Variants in CCDC73 observed in about 807,000 individuals in gnomAD.
CCDC73 encodes the protein coiled-coil domain-containing protein 73.
A neutral mutation model predicts 116.5 loss-of-function variants in CCDC73; 95 were observed. The observed-to-expected ratio is 0.82, with a 90% CI of 0.69 to 0.97. The LOEUF (loss-of-function observed/expected upper bound fraction) is 0.97. Ranked by LOEUF, CCDC73 falls within the 50% of genes least tolerant of loss-of-function variation. The probability of loss-of-function intolerance (pLI) is 0.00; values close to 1 mark genes in which losing one functional copy is unlikely to be tolerated. For synonymous variants in CCDC73, 398 were observed against 401.3 expected (o/e 0.99, Z 0.10); for missense variants, 1,066 against 1,206.8 (o/e 0.88, Z 1.73).
chr11:32,607,155 G>C (rs1236546212), intron 17 of CCDC73, among the ~76,000 whole-genome samples: 2 of 136,936 alleles, frequency 1.5e-5, no homozygotes, highest in African/African-American at 5.5e-5. Flanking sequence ...TGCAGTGGCG[G>C]GATCTCGGCT....
intron 14 of CCDC73, among the ~76,000 whole-genome samples, chr11:32,623,216 A>T (rs563283377): frequency 6.6e-6 from 1 of 152,100 alleles, no homozygotes; most frequent in Non-Finnish European, 1.5e-5. Context: ...CATGTTGGCC[A>T]GGCTGCTCTT....
chr11:32,779,461 T>C (rs764383507), intron 1 of CCDC73, among the ~76,000 whole-genome samples: 57 of 152,234 alleles, frequency 3.7e-4, no homozygotes, highest in Middle Eastern at 3.4e-3. Context: ...AGCACCTGGA[T>C]TGTTATCTTT....
chr11:32,688,727 G>A lies in CCDC73; in HGVS notation c.391-5153C>T, dbSNP rs540034328. On this transcript the variant is annotated intron_variant, in intron 6 of 17. Coordinates refer to ENST00000335185, the MANE Select transcript of CCDC73 (RefSeq NM_001008391.4). ...TATTGTAGTTCCAATATCTCTAAAAGTTTATGATACTTTCAAAAGAAAAAA... is the reference window on the plus strand; with the variant it reads ...TATTGTAGTTCCAATATCTCTAAAAATTTATGATACTTTCAAAAGAAAAAA... Among the ~76,000 whole-genome samples the A allele has an allele frequency of 1.2e-4, 18 of 152,190 alleles. No homozygotes were observed. The East Asian group carries it at 2.9e-3, about 24-fold the overall frequency.
At chr11:32,765,433 C>A (rs1850432333) in intron 1 of CCDC73, among the ~76,000 whole-genome samples, 1 of 152,160 alleles carries the variant, frequency 6.6e-6, no homozygotes, top group Non-Finnish European at 1.5e-5. Context: ...ACAGTGCAAT[C>A]AAACTAGAAC....
chr11:32,725,321 TTA>T (rs1484173624), intron 2 of CCDC73, among the ~76,000 whole-genome samples: 2 of 152,182 alleles, frequency 1.3e-5, no homozygotes, highest in East Asian at 3.8e-4. Flanking sequence ...TGTTAACTTC[TTA>T]TATACGTAAT....
Position 32,616,048 on chromosome 11 carries a change from C to T in CCDC73, c.1267G>A (p.Glu423Lys), listed in dbSNP as rs1478541549. Reference sequence around the variant, plus strand: ...ATATTTTCTTCCCTTATTTCTTGCTCAGTATTATATTTCTGTATAATGGTG... The same window carrying T: ...ATATTTTCTTCCCTTATTTCTTGCTTAGTATTATATTTCTGTATAATGGTG... ...ENTIIQKYNTEQEIREENMEN... is the reference protein window; with the variant it reads ...ENTIIQKYNTKQEIREENMEN... Residue 423 changes from glutamate to lysine, a missense_variant, in exon 15 of 18, where the codon GAG becomes AAG. By Grantham distance (56) the Glu-to-Lys change is moderately conservative. Transcript: ENST00000335185. 2 of 1,603,320 alleles carry T rather than the reference C, an allele frequency of 1.2e-6. No homozygotes were observed.
intron 10 of CCDC73, 143 bp from the exon 11 acceptor site, chr11:32,654,180 T>A: frequency 1.3e-6 from 1 of 784,214 alleles, no homozygotes; most frequent in Non-Finnish European, 1.9e-6. Flanking sequence ...TGTTTATTTG[T>A]ATGTTTGTTT....
intron 1 of CCDC73, among the ~76,000 whole-genome samples, 198 bp from the exon 2 acceptor site, chr11:32,760,456 T>C (rs187459042): frequency 2.0e-5 from 3 of 152,318 alleles, no homozygotes; most frequent in Non-Finnish European, 1.5e-5. Flanking sequence ...TTCCCTATGG[T>C]TGAAGCTTTT....
chr11:32,657,288 C>T (rs1019407428), intron 9 of CCDC73, among the ~76,000 whole-genome samples: 1 of 152,108 alleles, frequency 6.6e-6, no homozygotes, highest in Non-Finnish European at 1.5e-5. Context: ...GGTCTTAGTT[C>T]AAATATCACC....
chr11:32,776,972 C>CAT (rs1181223187), intron 1 of CCDC73, among the ~76,000 whole-genome samples: 5 of 79,906 alleles, frequency 6.3e-5, no homozygotes, highest in South Asian at 4.6e-4. Context: ...CACACACACA[C>CAT]ATATATATAT....
rs1035106940 is a variant in CCDC73, at chr11:32,702,921, T to C, written c.231A>G (p.Glu77=). 6.2e-7 allele frequency: 1 copy of C among 1,612,952 alleles called. No individual in the cohort carries two copies. Residue 77 remains glutamate (E), a synonymous_variant, in exon 4 of 18, where the codon GAA becomes GAG. Coordinates refer to ENST00000335185, the MANE Select transcript of CCDC73 (RefSeq NM_001008391.4). ...CTTCCTTGTGTTGCTCTGCCAATGTTTCCTTTTGATTCTGAAGAGTTTCCT... is the reference window on the plus strand; with the variant it reads ...CTTCCTTGTGTTGCTCTGCCAATGTCTCCTTTTGATTCTGAAGAGTTTCCT... ...WQKETLQNQK[E]TLAEQHKEAM... is the part of the protein sequence containing the mutation.
At chr11:32,827,683 A>G in the CCDC73 span, among the ~76,000 whole-genome samples, 2 of 152,166 alleles carry the variant, frequency 1.3e-5, no homozygotes, top group African/African-American at 4.8e-5. Context: ...AGCACGAACA[A>G]TGTAGAAAGC....
At chr11:32,808,190 A>AATAG in the CCDC73 span, among the ~76,000 whole-genome samples, 1 of 152,236 alleles carries the variant, frequency 6.6e-6, no homozygotes, top group Admixed American at 6.5e-5. Flanking sequence ...CAGAATAAGG[A>AATAG]ATAGATGTGT....
intron 2 of CCDC73, among the ~76,000 whole-genome samples, chr11:32,747,711 G>T (rs1235454605): frequency 5.3e-5 from 8 of 152,206 alleles, no homozygotes; most frequent in African/African-American, 1.9e-4. Flanking sequence ...TCAGACTGCT[G>T]CACTAGCAAG....
intron 2 of CCDC73, among the ~76,000 whole-genome samples, chr11:32,741,450 CTTT>C (rs1565090255): frequency 1.3e-5 from 2 of 151,960 alleles, no homozygotes; most frequent in African/African-American, 2.4e-5. Context: ...AAAACACCTT[CTTT>C]GTTTTCTCAA....
chr11:32,784,354 G>A (rs557621105), intron 1 of CCDC73, among the ~76,000 whole-genome samples: 39 of 151,786 alleles, frequency 2.6e-4, no homozygotes, highest in Admixed American at 6.6e-5. Context: ...AAGCAATGGG[G>A]AAAAATAAGA....
At chr11:32,658,773 C>T (rs963202943) in intron 9 of CCDC73, among the ~76,000 whole-genome samples, 3 of 151,634 alleles carry the variant, frequency 2.0e-5, no homozygotes, top group African/African-American at 7.3e-5. Context: ...AAATATGAGA[C>T]ATTCTAAAAA....
At chr11:32,731,398 C>A (rs1337807484) in intron 2 of CCDC73, among the ~76,000 whole-genome samples, 10 of 152,202 alleles carry the variant, frequency 6.6e-5, no homozygotes, top group Admixed American at 3.3e-4. Flanking sequence ...AATTAAATGT[C>A]CCTGTCCGAC....
chr11:32,614,856 T>C lies in CCDC73; in HGVS notation c.1462A>G (p.Lys488Glu), dbSNP rs1246909928. 6.2e-7 allele frequency: 1 copy of C among 1,612,966 alleles called. No homozygotes were observed. Among genetic ancestry groups the C allele is most frequent in the Non-Finnish European group, 8.5e-7 (1 of 1,179,458 alleles). The change falls in exon 16 of 18, where the codon AAA (lysine) becomes GAA (glutamate). Residue 488 changes from lysine (K) to glutamate (E), a missense_variant. Coordinates refer to ENST00000335185, the MANE Select transcript of CCDC73 (RefSeq NM_001008391.4). ...DENQSEISLS[K>E]TLSLDKEVIS... Reference sequence around the variant, plus strand: ...ACTTCTTTATCTAAGGAGAGGGTTTTGCTTAAGGAGATTTCACTTTGATTT... The same window carrying C: ...ACTTCTTTATCTAAGGAGAGGGTTTCGCTTAAGGAGATTTCACTTTGATTT...
Sources: gnomAD v4.1 joint callset for allele counts (sites outside exome capture counted in the v4.1 genomes callset) on GRCh38, gnomAD v4.1.1 for gene constraint, MANE v1.5 for transcripts, NCBI Gene and HGNC (gene_info 2026-07-23, HGNC 2026-07-21) for gene names.